CRADD: variants seen among roughly 807,000 people sequenced by gnomAD.
CRADD encodes CARD and death domain containing adaptor protein.
CRADD carries 9 observed loss-of-function variants against 15.5 expected under a neutral mutation model. The ratio of observed to expected loss-of-function variants is 0.58; its 90% CI spans 0.35 to 1.01. The LOEUF (loss-of-function observed/expected upper bound fraction) is 1.01. Among genes scored for constraint, CRADD ranks in the 50% least tolerant of loss-of-function variants. CRADD has a pLI of 0.02. For missense variants in CRADD, 227 were observed against 250.3 expected, an observed-to-expected ratio of 0.91 and a Z score of 0.63; for synonymous variants, 118 against 107.6, an observed-to-expected ratio of 1.10 and a Z score of -0.60.
intron 2 of CRADD, among the ~76,000 whole-genome samples, chr12:93,710,754 T>C (rs1271658027): frequency 6.6e-6 from 1 of 152,114 alleles, no homozygotes; most frequent in African/African-American, 2.4e-5. Flanking sequence ...GGAGGGGAAG[T>C]AAATGCCCCT....
intron 2 of CRADD, chr12:93,838,145 C>A (rs1483819612): frequency 1.3e-5 from 2 of 151,076 alleles, no homozygotes; most frequent in Non-Finnish European, 2.9e-5. Context: ...CTGTGAGGAC[C>A]AAATTGTTCT....
Position 93,881,975 on chromosome 12 carries a change from A to C in CRADD, c.299-12075A>C, listed in dbSNP as rs571572538. On this transcript the variant is annotated intron_variant, in intron 2 of 2. Coordinates refer to the CRADD transcript ENST00000548483. ...AACCCCATCTCTACTAAAAATACAA[A>C]AATTATCTGGGCTTGGTGGCATGTG... Among the ~76,000 whole-genome samples the C allele has an allele frequency of 2.1e-3, 312 of 152,068 alleles. 2 individuals are homozygous for C. The highest frequency in any genetic ancestry group is 7.2e-3 in the African/African-American group (299 of 41,484).
chr12:93,849,039 G>C (rs1023559874), intron 2 of CRADD: 11 of 151,934 alleles, frequency 7.2e-5, no homozygotes, highest in African/African-American at 2.7e-4. Flanking sequence ...GGTTTATTTT[G>C]TTCTCAGCAG....
chr12:93,705,740 A>C (rs1034484753), intron 2 of CRADD, among the ~76,000 whole-genome samples: 1 of 152,232 alleles, frequency 6.6e-6, no homozygotes, highest in Non-Finnish European at 1.5e-5. Context: ...ACGAAAAAAA[A>C]CATGATTTAT....
chr12:93,757,497 C>T (rs769592660), intron 2 of CRADD, among the ~76,000 whole-genome samples: 9 of 152,228 alleles, frequency 5.9e-5, no homozygotes, highest in Non-Finnish European at 1.2e-4. Context: ...CCTGTTTCAT[C>T]TCTCCCATCT....
chr12:93,725,983 C>T (rs1956357199), intron 2 of CRADD, among the ~76,000 whole-genome samples: 1 of 151,816 alleles, frequency 6.6e-6, no homozygotes, highest in African/African-American at 2.4e-5. Context: ...GGGCTGACTT[C>T]AAGACCTATT....
chr12:93,775,149 C>A (rs1047278739), intron 2 of CRADD, among the ~76,000 whole-genome samples: 1 of 152,154 alleles, frequency 6.6e-6, no homozygotes, highest in Admixed American at 6.5e-5. Flanking sequence ...TACCATTCAT[C>A]GATAATTTTG....
chr12:93,765,280 T>A (rs1451620391), intron 2 of CRADD, among the ~76,000 whole-genome samples: 1 of 152,076 alleles, frequency 6.6e-6, no homozygotes, highest in East Asian at 1.9e-4. Flanking sequence ...AGTTACTGGT[T>A]TTTTGTTTTT....
intron 2 of CRADD, among the ~76,000 whole-genome samples, chr12:93,820,869 G>A (rs1303857116): frequency 1.3e-5 from 2 of 152,200 alleles, no homozygotes; most frequent in Non-Finnish European, 2.9e-5. Context: ...GTCACCTGCA[G>A]TCCCACGCTG....
At chr12:93,726,118 T>TTC (rs1363274183) in intron 2 of CRADD, among the ~76,000 whole-genome samples, 1 of 136,782 alleles carries the variant, frequency 7.3e-6, no homozygotes, top group Non-Finnish European at 1.6e-5. Flanking sequence ...TTTTTTTTTT[T>TTC]CTTGAGATGG....
At chr12:93,775,935 T>C (rs868804947) in intron 2 of CRADD, among the ~76,000 whole-genome samples, 7 of 152,204 alleles carry the variant, frequency 4.6e-5, no homozygotes, top group Non-Finnish European at 4.4e-5. Flanking sequence ...AGTATCCTTA[T>C]AGTAACAATT....
chr12:93,734,057 C>T (rs770789910), intron 2 of CRADD, among the ~76,000 whole-genome samples: 2 of 151,590 alleles, frequency 1.3e-5, no homozygotes, highest in Non-Finnish European at 2.9e-5. Flanking sequence ...TTTTCCCTTC[C>T]TCCCTCCTTC....
At chr12:93,828,910 T>C (rs906799362) in intron 2 of CRADD, among the ~76,000 whole-genome samples, 6 of 152,240 alleles carry the variant, frequency 3.9e-5, no homozygotes, top group African/African-American at 1.4e-4. Flanking sequence ...CGGGAGTGAT[T>C]GAGCTTTCCA....
In CRADD at chr12:93,779,301, T is replaced by C. The variant is rs371314569; in HGVS notation, c.299-70669T>C. ...TAGTTCTAACTATCTAGAAAAATTT[T>C]TTATTGAAGTAGAATTGACTAAAAC... On this transcript the variant is annotated intron_variant, in intron 2 of 2. Coordinates refer to ENST00000332896, the MANE Select transcript of CRADD (RefSeq NM_003805.5). 1.4e-4 allele frequency among the ~76,000 whole-genome samples: 21 copies of C among 152,354 alleles called. 2 individuals carry two copies. Among genetic ancestry groups the C allele is most frequent in the Admixed American group, 1.2e-3 (19 of 15,308 alleles).
At chr12:93,852,734 C>G (rs1048468734), downstream of CRADD, among the ~76,000 whole-genome samples, 1 of 151,970 alleles carries the variant, frequency 6.6e-6, no homozygotes, top group Admixed American at 6.6e-5. Flanking sequence ...ACTGTTTATC[C>G]CCAAGAAAAC....
chr12:93,711,055 C>CCCCCCCTTT, intron 2 of CRADD, among the ~76,000 whole-genome samples: 21 of 43,492 alleles, frequency 4.8e-4, no homozygotes, highest in Non-Finnish European at 6.6e-4. Flanking sequence ...CCACCCCCGC[C>CCCCCCCTTT]TTTTTTTTTT....
intron 2 of CRADD, among the ~76,000 whole-genome samples, chr12:93,759,250 G>T (rs933304877): frequency 3.9e-5 from 6 of 152,196 alleles, no homozygotes; most frequent in South Asian, 2.1e-4. Flanking sequence ...AGCGATGGGT[G>T]GGGGAATGGG....
chr12:93,772,864 A>G (rs531070292), intron 2 of CRADD, among the ~76,000 whole-genome samples: 16 of 152,276 alleles, frequency 1.1e-4, no homozygotes, highest in African/African-American at 3.8e-4. Context: ...AAGTGTATTT[A>G]TGTAGGAGCG....
chr12:93,724,940 A>G (rs1956328067), intron 2 of CRADD, among the ~76,000 whole-genome samples: 1 of 151,978 alleles, frequency 6.6e-6, no homozygotes, highest in African/African-American at 2.4e-5. Flanking sequence ...GGCTCACTGC[A>G]AGCTCCGCCT....
Sources: allele counts gnomAD v4.1 joint callset (sites outside exome capture counted in the v4.1 genomes callset), GRCh38; gene constraint gnomAD v4.1.1; transcripts MANE v1.5; gene names NCBI Gene and HGNC (gene_info 2026-07-23, HGNC 2026-07-21).